The following RHBDD1 variants were observed in gnomAD, a reference collection of about 807,000 sequenced individuals.
RHBDD1 encodes the protein rhomboid domain containing 1, also known as rhomboid-related protein 4.
A neutral mutation model predicts 36.3 loss-of-function variants in RHBDD1; 38 were observed. The ratio of observed to expected loss-of-function variants is 1.05; its 90% CI spans 0.81 to 1.37. RHBDD1 has a LOEUF of 1.37. Among genes scored for constraint, RHBDD1 ranks in the 40% most tolerant of loss-of-function variants. The pLI, the probability that RHBDD1 is intolerant of heterozygous loss-of-function variation, is 0.00. For synonymous variants in RHBDD1, 151 were observed against 136.5 expected, an observed-to-expected ratio of 1.11 and a Z score of -0.74; for missense variants, 393 against 377.6, an observed-to-expected ratio of 1.04 and a Z score of -0.34.
At chr2:226,983,935 C>T (rs936397870) in intron 8 of RHBDD1, among the ~76,000 whole-genome samples, 6 of 152,136 alleles carry the variant, frequency 3.9e-5, no homozygotes, top group Admixed American at 1.3e-4. Context: ...CTGGGCAAAA[C>T]GCAATGGTGT....
At chr2:226,981,271 C>T (rs1481813847) in intron 8 of RHBDD1, among the ~76,000 whole-genome samples, 1 of 151,976 alleles carries the variant, frequency 6.6e-6, no homozygotes, top group African/African-American at 2.4e-5. Context: ...ATGTAAATGC[C>T]GAGTTGATGG....
At position 226,864,841 on chromosome 2, in the gene RHBDD1, T is replaced by A. The variant is rs755408417; in HGVS notation, c.148T>A (p.Tyr50Asn). 6.2e-7 allele frequency: 1 copy of A among 1,614,232 alleles called. No individual in the cohort carries two copies. Among genetic ancestry groups the A allele is most frequent in the Non-Finnish European group, 8.5e-7 (1 of 1,180,040 alleles). The change falls in exon 4 of 9, where the codon TAT becomes AAT. Residue 50 changes from tyrosine to asparagine, a missense_variant. Tyr to Asn is a moderately radical substitution (Grantham distance 143). Coordinates refer to ENST00000392062, the MANE Select transcript of RHBDD1 (RefSeq NM_001167608.3). ...WFFLNPQKPL[Y>N]SSCLSVEKCY... ...CTTCTTGAACCCTCAGAAGCCACTG[T>A]ATAGCTCCTGCCTTAGTGTGGAGAA...
intron 8 of RHBDD1, among the ~76,000 whole-genome samples, chr2:226,938,048 C>T (rs1399273812): frequency 6.6e-6 from 1 of 152,198 alleles, no homozygotes; most frequent in Non-Finnish European, 1.5e-5. Flanking sequence ...AACTAATTTA[C>T]ATTCCCACCA....
the RHBDD1 span, among the ~76,000 whole-genome samples, chr2:226,816,992 T>G: frequency 7.2e-6 from 1 of 139,578 alleles, no homozygotes; most frequent in Non-Finnish European, 1.6e-5. Flanking sequence ...ACATTTAAAT[T>G]GTGGTTTTCC....
At chr2:226,804,813 T>C in the RHBDD1 span, 3 of 152,162 alleles carry the variant, frequency 2.0e-5, no homozygotes, top group Non-Finnish European at 2.9e-5. Context: ...ACTGATTGAT[T>C]GGTGATTTGG....
At chr2:226,828,043 A>G in the RHBDD1 span, among the ~76,000 whole-genome samples, 1 of 152,256 alleles carries the variant, frequency 6.6e-6, no homozygotes, top group Non-Finnish European at 1.5e-5. Context: ...TAATAAATTT[A>G]TAGGCAACCA....
At chr2:226,865,809 G>A (rs944180628) in intron 4 of RHBDD1, among the ~76,000 whole-genome samples, 9 of 152,172 alleles carry the variant, frequency 5.9e-5, no homozygotes, top group African/African-American at 1.9e-4. Flanking sequence ...TTTTATCTCA[G>A]GGTGTTGGAT....
rs115929524 is a variant in RHBDD1 at position 226,967,677 on chromosome 2, T to A, written c.857-27754T>A. 5.5e-3 allele frequency among the ~76,000 whole-genome samples: 843 copies of A among 152,194 alleles called. 10 individuals are homozygous for A. Among genetic ancestry groups the A allele is most frequent in the African/African-American group, 0.019 (809 of 41,524 alleles). Reference sequence around the variant, plus strand: ...TTGTAGTAATTTTTCTGTCTGTAGCTTGATAAATTTTAATTGTTATAGTGG... The same window carrying A: ...TTGTAGTAATTTTTCTGTCTGTAGCATGATAAATTTTAATTGTTATAGTGG... On this transcript the variant is annotated intron_variant, in intron 8 of 8. Coordinates refer to ENST00000392062, the MANE Select transcript of RHBDD1 (RefSeq NM_001167608.3).
chr2:226,897,434 A>G (rs958746098), intron 5 of RHBDD1, among the ~76,000 whole-genome samples: 16 of 152,212 alleles, frequency 1.1e-4, no homozygotes, highest in African/African-American at 3.9e-4. Context: ...TGATGAGTGA[A>G]TGAATGAATA....
chr2:226,980,911 A>AT (rs1379040787), intron 8 of RHBDD1, among the ~76,000 whole-genome samples: 2 of 152,210 alleles, frequency 1.3e-5, no homozygotes, highest in East Asian at 1.9e-4. Flanking sequence ...GGAATAACTC[A>AT]TTTTTTGTTG....
intron 5 of RHBDD1, among the ~76,000 whole-genome samples, chr2:226,877,697 C>CT (rs1945360539): frequency 1.3e-5 from 2 of 152,030 alleles, no homozygotes. Flanking sequence ...CCACAAGCAT[C>CT]TTTCTTTGCT....
chr2:226,922,020 G>A (rs188624030), intron 8 of RHBDD1, among the ~76,000 whole-genome samples: 104 of 152,058 alleles, frequency 6.8e-4, no homozygotes, highest in East Asian at 2.5e-3. Context: ...GTGCTCCCGT[G>A]TTAGATGCAT....
chr2:226,828,885 AT>A, the RHBDD1 span, among the ~76,000 whole-genome samples: 1 of 152,116 alleles, frequency 6.6e-6, no homozygotes, highest in East Asian at 1.9e-4. Context: ...TTTTAAGTAT[AT>A]TTTTTAAATT....
At position 226,843,737 on chromosome 2, in the gene RHBDD1, T is replaced by A. The variant is rs578117621; in HGVS notation, c.-91+4110T>A. Among the ~76,000 whole-genome samples the A allele has an allele frequency of 3.9e-5, 6 of 152,290 alleles. No homozygotes were observed. The South Asian group carries it at 1.2e-3, about 32-fold the overall frequency. ...ATATTGGCCTGAATTTTTCTTTTTG[T>A]TGTTGTATCTCTTGCCAGGTTTTGG... is the stretch of plus-strand genomic sequence containing the variant. On this transcript the variant is annotated intron_variant, in intron 3 of 8. Transcript: ENST00000392062.
intron 7 of RHBDD1, among the ~76,000 whole-genome samples, chr2:226,911,351 A>G (rs1948501666): frequency 6.6e-6 from 1 of 152,250 alleles, no homozygotes; most frequent in East Asian, 1.9e-4. Flanking sequence ...TTTGTATTCC[A>G]GTAAAATAAT....
At chr2:226,812,427 G>T in the RHBDD1 span, among the ~76,000 whole-genome samples, 1 of 152,156 alleles carries the variant, frequency 6.6e-6, no homozygotes, top group African/African-American at 2.4e-5. Context: ...TCTTAAAAAC[G>T]TATTCACTGA....
upstream of RHBDD1, among the ~76,000 whole-genome samples, chr2:226,834,664 C>G (rs1301429369): frequency 6.6e-6 from 1 of 152,220 alleles, no homozygotes; most frequent in Non-Finnish European, 1.5e-5. Context: ...CTAAACACAG[C>G]TGCTACAACT....
chr2:226,880,970 A>G (rs1461634245), intron 5 of RHBDD1, among the ~76,000 whole-genome samples: 1 of 152,210 alleles, frequency 6.6e-6, no homozygotes, highest in Non-Finnish European at 1.5e-5. Flanking sequence ...TACTGCTATA[A>G]AGAACTGCTC....
chr2:226,975,441 G>A (rs1029269743), intron 8 of RHBDD1, among the ~76,000 whole-genome samples: 1 of 152,154 alleles, frequency 6.6e-6, no homozygotes, highest in East Asian at 1.9e-4. Context: ...ATGGCCATGG[G>A]GTGAGGGAGG....
Sources: gnomAD v4.1 joint callset for allele counts (sites outside exome capture counted in the v4.1 genomes callset) on GRCh38, gnomAD v4.1.1 for gene constraint, MANE v1.5 for transcripts, NCBI Gene and HGNC (gene_info 2026-07-23, HGNC 2026-07-21) for gene names.